ASCC3: variants seen among roughly 807,000 people sequenced by gnomAD.
ASCC3 encodes the protein ASC-1 complex subunit P200.
A neutral mutation model predicts 256.3 loss-of-function variants in ASCC3; 158 were observed. That is an observed-to-expected ratio of 0.62 (90% CI 0.54 to 0.70). ASCC3 has a LOEUF of 0.70. ASCC3 is among the 30% of genes least tolerant of loss of function. The pLI, the probability that ASCC3 is intolerant of heterozygous loss-of-function variation, is 0.00. For synonymous variants in ASCC3, 948 were observed against 883.4 expected, an observed-to-expected ratio of 1.07 and a Z score of -1.30; for missense variants, 2,259 against 2,626.0, an observed-to-expected ratio of 0.86 and a Z score of 3.05.
chr6:100,512,935 A>C lies in ASCC3; in HGVS notation c.6076-17T>G. 1 of 1,605,050 alleles carries C rather than the reference A, an allele frequency of 6.2e-7. No homozygotes were observed. The highest frequency in any genetic ancestry group is 1.1e-5 in the South Asian group (1 of 90,522). ...ATTCCATGCCTAAATAAAAAGAGAA[A>C]AGAAACAATAAAGGAGGAGTTTATG... On this transcript the variant is annotated splice_polypyrimidine_tract_variant and intron_variant, in intron 39 of 41. Transcript: ENST00000369162.
intron 7 of ASCC3, 98 bp downstream of exon 7, chr6:100,799,333 C>G: frequency 2.2e-6 from 3 of 1,351,162 alleles, no homozygotes; most frequent in Non-Finnish European, 3.1e-6. Context: ...TTAGCATAGT[C>G]AACTAGTGTT....
chr6:100,849,206 G>A (rs1445126767), intron 3 of ASCC3, among the ~76,000 whole-genome samples: 1 of 152,092 alleles, frequency 6.6e-6, no homozygotes. Flanking sequence ...ACTATTTTAG[G>A]TAAATAAATC....
chr6:100,638,851 A>G (rs1272674716), intron 24 of ASCC3, 30 bp from the exon 25 acceptor site: 3 of 1,558,916 alleles, frequency 1.9e-6, no homozygotes, highest in East Asian at 2.2e-5. Context: ...TGGCTATACG[A>G]CAATTGAAAA....
At chr6:100,723,876 A>ATATATATATATTTATAAT (rs1450299063) in intron 11 of ASCC3, among the ~76,000 whole-genome samples, 269 of 131,198 alleles carry the variant, frequency 2.1e-3, no homozygotes, top group Middle Eastern at 3.4e-3. Flanking sequence ...ATATATATAT[A>ATATATATATATTTATAAT]TATATATATA....
intron 8 of ASCC3, among the ~76,000 whole-genome samples, chr6:100,783,249 G>A (rs979580406): frequency 2.6e-5 from 4 of 151,968 alleles, no homozygotes; most frequent in Non-Finnish European, 4.4e-5. Context: ...TCTTCCCAGC[G>A]TTCTCTTTTT....
chr6:100,660,416 G>A (rs78462957), intron 16 of ASCC3, among the ~76,000 whole-genome samples: 4,572 of 151,646 alleles, frequency 0.03, 77 homozygotes, highest in African/African-American at 0.055. Flanking sequence ...ACTTTGTTCT[G>A]TACATTAGAC....
intron 4 of ASCC3, among the ~76,000 whole-genome samples, chr6:100,812,556 G>A (rs1770525265): frequency 6.6e-6 from 1 of 151,860 alleles, no homozygotes; most frequent in Non-Finnish European, 1.5e-5. Context: ...ATATTAACTA[G>A]AAGGATTCAA....
At chr6:100,633,620 C>T (rs1438014227) in intron 25 of ASCC3, among the ~76,000 whole-genome samples, 1 of 151,458 alleles carries the variant, frequency 6.6e-6, no homozygotes, top group Non-Finnish European at 1.5e-5. Flanking sequence ...AATCCCAGCA[C>T]TTTGGGAGGC....
At chr6:100,847,982 A>C in intron 4 of ASCC3, 166 bp downstream of exon 4, 1 of 605,844 alleles carries the variant, frequency 1.7e-6, no homozygotes, top group Non-Finnish European at 2.7e-6. Flanking sequence ...GTAACTATCC[A>C]TTAGGAACGT....
rs1440890848 is a variant in ASCC3 at position 100,628,092 on chromosome 6, A to AC, written c.4376-106_4376-105insG. 83 of 656,820 alleles carry AC rather than the reference A, an allele frequency of 1.3e-4. No individual in the cohort carries two copies. In the African/African-American group the frequency reaches 1.4e-3, roughly 11 times the overall value. 40.7% of individuals were successfully genotyped at this position (656,820 alleles called of 1,614,324 possible). ...TGTAGCTTCCTCAAAAAACAAAAAC[A>AC]AAAAAAAAAACAAAAAAAAAGCTAA... On this transcript the variant is annotated intron_variant, in intron 27 of 41. Transcript: ENST00000369162.
intron 8 of ASCC3, among the ~76,000 whole-genome samples, chr6:100,769,523 A>T (rs1253679891): frequency 6.6e-6 from 1 of 151,868 alleles, no homozygotes; most frequent in East Asian, 1.9e-4. Flanking sequence ...AAAATAATCA[A>T]TTAAAAAAGA....
intron 10 of ASCC3, among the ~76,000 whole-genome samples, chr6:100,747,597 C>G (rs1780744821): frequency 6.6e-6 from 1 of 151,962 alleles, no homozygotes; most frequent in Non-Finnish European, 1.5e-5. Context: ...GGATAAATAT[C>G]AACATAATAA....
chr6:100,703,903 T>C (rs1363705584), intron 13 of ASCC3, among the ~76,000 whole-genome samples: 1 of 151,750 alleles, frequency 6.6e-6, no homozygotes, highest in African/African-American at 2.4e-5. Flanking sequence ...GTACATCAAG[T>C]ATCAACTATT....
chr6:100,797,467 A>C (rs1336007254), intron 8 of ASCC3, among the ~76,000 whole-genome samples: 3 of 144,938 alleles, frequency 2.1e-5, no homozygotes, highest in African/African-American at 5.1e-5. Flanking sequence ...TCTCAAAAAA[A>C]AAAAAAAAAT....
chr6:100,531,062 A>T lies in ASCC3; in HGVS notation c.5775+9101T>A, dbSNP rs547704615. 2.0e-6 allele frequency: 3 copies of T among 1,471,032 alleles called. No homozygotes were observed. In the South Asian group the frequency reaches 3.4e-5, roughly 17 times the overall value. 91.1% of individuals were successfully genotyped at this position (1,471,032 alleles called of 1,614,324 possible). A position where few individuals can be genotyped will look rare whatever the true frequency, so the allele number is the denominator to read the frequency against. The stretch of plus-strand genomic sequence containing the variant: ...AAGTACAACAGTGTAGCACTAAAGG[A>T]ATCTTCTAGAACGTACATAGTCTGT... On this transcript the variant is annotated intron_variant, in intron 37 of 41. Coordinates refer to ENST00000369162, the MANE Select transcript of ASCC3 (RefSeq NM_006828.4).
intron 10 of ASCC3, among the ~76,000 whole-genome samples, chr6:100,758,324 G>A (rs897347250): frequency 2.6e-5 from 4 of 151,962 alleles, no homozygotes; most frequent in Admixed American, 6.5e-5. Context: ...GTGTGCCACG[G>A]TGGTTTCCTG....
In ASCC3 at chr6:100,796,013, T is replaced by C. The variant is rs146273351; in HGVS notation, c.1395+2700A>G. ...TACAGTGATATGATAGCAAATGGTT[T>C]ATTTATTTATAATGACAAATTTCAC... On this transcript the variant is annotated intron_variant, in intron 8 of 41. Coordinates refer to ENST00000369162, the MANE Select transcript of ASCC3 (RefSeq NM_006828.4). 7.6e-3 allele frequency among the ~76,000 whole-genome samples: 1,151 copies of C among 152,318 alleles called. 5 individuals carry two copies. The highest frequency in any genetic ancestry group is 0.012 in the Non-Finnish European group (818 of 68,024).
chr6:100,833,625 A>C lies in ASCC3; in HGVS notation c.801+14523T>G, dbSNP rs369588784. Among the ~76,000 whole-genome samples, 743 of 152,348 alleles carry C rather than the reference A, an allele frequency of 4.9e-3. 8 individuals carry two copies. Among genetic ancestry groups the C allele is most frequent in the African/African-American group, 0.017 (719 of 41,586 alleles). On this transcript the variant is annotated intron_variant, in intron 4 of 41. Coordinates refer to ENST00000369162, the MANE Select transcript of ASCC3 (RefSeq NM_006828.4). ...GTAAAACTGCTCCAAAAATTAGTTT[A>C]TTAATTAAATACAAAATATGGTATA...
chr6:100,654,879 A>T (rs1159184854), intron 17 of ASCC3, among the ~76,000 whole-genome samples: 1 of 152,048 alleles, frequency 6.6e-6, no homozygotes, highest in African/African-American at 2.4e-5. Context: ...TAAAAGAAAT[A>T]AAAATTTAAA....
Sources: gnomAD v4.1 joint callset for allele counts (sites outside exome capture counted in the v4.1 genomes callset) on GRCh38, gnomAD v4.1.1 for gene constraint, MANE v1.5 for transcripts, NCBI Gene and HGNC (gene_info 2026-07-23, HGNC 2026-07-21) for gene names.